Variants in ME1 observed in about 807,000 individuals in gnomAD.
ME1 encodes the protein NADP-dependent malic enzyme.
ME1 carries 74 observed loss-of-function variants against 66.4 expected under a neutral mutation model. The ratio of observed to expected loss-of-function variants is 1.11; its 90% CI spans 0.92 to 1.35. The LOEUF (loss-of-function observed/expected upper bound fraction) is 1.35. ME1 is among the 40% of genes most tolerant of loss of function. The pLI is 0.00. For synonymous variants in ME1, 251 were observed against 235.6 expected, an observed-to-expected ratio of 1.07 and a Z score of -0.60; for missense variants, 750 against 694.1, an observed-to-expected ratio of 1.08 and a Z score of -0.90.
intron 6 of ME1, among the ~76,000 whole-genome samples, chr6:83,267,009 T>G (rs903659608): frequency 1.3e-5 from 2 of 152,172 alleles, no homozygotes; most frequent in Non-Finnish European, 2.9e-5. Context: ...TGCAACTTCG[T>G]CTCTGCAAAA....
chr6:83,268,728 GTTATTATTA>G (rs57723634), intron 6 of ME1, among the ~76,000 whole-genome samples: 89 of 143,786 alleles, frequency 6.2e-4, no homozygotes, highest in South Asian at 2.0e-3. Context: ...ACCATGCCCC[GTTATTATTA>G]TTATTATTAT....
chr6:83,334,224 G>C (rs1354589265), intron 5 of ME1, among the ~76,000 whole-genome samples: 1 of 147,592 alleles, frequency 6.8e-6, no homozygotes, highest in African/African-American at 2.5e-5. Context: ...TGGAAAATCG[G>C]GTCACTCCCA....
intron 10 of ME1, among the ~76,000 whole-genome samples, chr6:83,228,256 A>C (rs565082465): frequency 5.6e-4 from 86 of 152,344 alleles, no homozygotes; most frequent in African/African-American, 2.0e-3. Context: ...TATAAGGAAA[A>C]TAAAGATTTG....
In ME1 at chr6:83,313,395, T is replaced by TA. The variant is rs201151588; in HGVS notation, c.704+1914dup. Among the ~76,000 whole-genome samples, 372 of 148,778 alleles carry TA rather than the reference T, an allele frequency of 2.5e-3. 2 individuals are homozygous for TA. The highest frequency in any genetic ancestry group is 4.4e-3 in the African/African-American group (177 of 40,614). On this transcript the variant is annotated intron_variant, in intron 6 of 13. Transcript: ENST00000369705. ...TAAGGTAACTCCTCAATTCCACATT[T>TA]AAAAAAAAAACAGTTTTCTTCATTC...
chr6:83,353,824 T>A (rs1768841170), intron 3 of ME1, among the ~76,000 whole-genome samples: 1 of 152,194 alleles, frequency 6.6e-6, no homozygotes, highest in South Asian at 2.1e-4. Flanking sequence ...AGACCTAAAA[T>A]GAGCCATTTT....
At chr6:83,289,126 T>C (rs9449604) in intron 6 of ME1, among the ~76,000 whole-genome samples, 8,743 of 152,326 alleles carry the variant, frequency 0.057, 457 homozygotes, top group African/African-American at 0.13. Context: ...CTCTTCCTAC[T>C]TGAATACCCC....
intron 3 of ME1, among the ~76,000 whole-genome samples, chr6:83,357,935 C>CTCTATATATATATATATA (rs1447805761): frequency 3.3e-5 from 1 of 30,040 alleles, no homozygotes; most frequent in Non-Finnish European, 5.9e-5. Flanking sequence ...CTCTCTCTCT[C>CTCTATATATATATATATA]TATATATATA....
intron 3 of ME1, among the ~76,000 whole-genome samples, chr6:83,380,568 T>A (rs1769377122): frequency 6.6e-6 from 1 of 152,044 alleles, no homozygotes; most frequent in Non-Finnish European, 1.5e-5. Flanking sequence ...CAATTTCTAA[T>A]GCTCAAAAAG....
intron 11 of ME1, among the ~76,000 whole-genome samples, chr6:83,225,819 T>TAG (rs1461035227): frequency 1.0e-5 from 1 of 100,012 alleles, no homozygotes; most frequent in Non-Finnish European, 1.8e-5. Flanking sequence ...TATATATATA[T>TAG]ATATATATAT....
At chr6:83,223,691 A>G (rs960491636) in intron 12 of ME1, 69 bp downstream of exon 12, 10 of 1,429,066 alleles carry the variant, frequency 7.0e-6, no homozygotes, top group Admixed American at 2.0e-5. Flanking sequence ...TAAATAAAAC[A>G]TTAGACAACC....
At chr6:83,395,179 C>T (rs550630725) in intron 3 of ME1, among the ~76,000 whole-genome samples, 1 of 151,992 alleles carries the variant, frequency 6.6e-6, no homozygotes, top group African/African-American at 2.4e-5. Flanking sequence ...CTTCTGCCTC[C>T]TGGATTCCAG....
chr6:83,357,041 C>A (rs1005908762), intron 3 of ME1, among the ~76,000 whole-genome samples: 7 of 152,166 alleles, frequency 4.6e-5, no homozygotes, highest in African/African-American at 1.7e-4. Flanking sequence ...GACATTGATA[C>A]TTATGAACAA....
At chr6:83,222,453 C>T (rs1655883491) in intron 12 of ME1, among the ~76,000 whole-genome samples, 1 of 152,054 alleles carries the variant, frequency 6.6e-6, no homozygotes, top group Non-Finnish European at 1.5e-5. Context: ...AAAATATTTG[C>T]AGGATAAAAA....
chr6:83,298,753 G>A (rs942844816), intron 6 of ME1, among the ~76,000 whole-genome samples: 1 of 151,730 alleles, frequency 6.6e-6, no homozygotes, highest in African/African-American at 2.4e-5. Context: ...TAATGTGTAA[G>A]GAAGGGGTCC....
rs111720830 is a variant in ME1 at position 83,218,330 on chromosome 6, T to C, written c.1450-1734A>G. Among the ~76,000 whole-genome samples the C allele has an allele frequency of 1.7e-3, 253 of 152,324 alleles. 1 individual carries two copies. Among genetic ancestry groups the C allele is most frequent in the African/African-American group, 5.8e-3 (242 of 41,584 alleles). ...GCCTACTGGGTAATGTAGTGGCTTT[T>C]TCCTCCCCTCTTCTTGGTGCATGCT... On this transcript the variant is annotated intron_variant, in intron 12 of 13. Coordinates refer to ENST00000369705, the MANE Select transcript of ME1 (RefSeq NM_002395.6).
chr6:83,411,199 A>G (rs1481469209), intron 1 of ME1, among the ~76,000 whole-genome samples: 1 of 151,752 alleles, frequency 6.6e-6, no homozygotes, highest in East Asian at 1.9e-4. Flanking sequence ...CCCCATCTCT[A>G]CTAAAAATAC....
At chr6:83,301,339 TTTC>T (rs1403187571) in intron 6 of ME1, among the ~76,000 whole-genome samples, 2 of 79,352 alleles carry the variant, frequency 2.5e-5, no homozygotes, top group Non-Finnish European at 5.8e-5. Context: ...TCTCTCTCTC[TTTC>T]TTTCTTTCTT....
intron 6 of ME1, among the ~76,000 whole-genome samples, chr6:83,299,807 T>G (rs563516224): frequency 2.6e-5 from 4 of 152,274 alleles, no homozygotes; most frequent in African/African-American, 9.6e-5. Flanking sequence ...GTTTTTAACA[T>G]GAAGGGATAT....
intron 6 of ME1, among the ~76,000 whole-genome samples, chr6:83,283,055 C>T (rs1280947739): frequency 6.7e-6 from 1 of 150,112 alleles, no homozygotes; most frequent in African/African-American, 2.5e-5. Flanking sequence ...GGTGAAACCC[C>T]GTCTCTACTA....
Sources: allele counts gnomAD v4.1 joint callset (sites outside exome capture counted in the v4.1 genomes callset), GRCh38; gene constraint gnomAD v4.1.1; transcripts MANE v1.5; gene names NCBI Gene and HGNC (gene_info 2026-07-23, HGNC 2026-07-21).